Variants in SLC38A5 observed in about 807,000 individuals in gnomAD.
SLC38A5 encodes the protein solute carrier family 38 member 5, also known as sodium-coupled neutral amino acid transporter 5.
In SLC38A5, 9 loss-of-function variants were observed where a neutral mutation model predicts 34.6. The ratio of observed to expected loss-of-function variants is 0.26; its 90% CI spans 0.16 to 0.45. The LOEUF (loss-of-function observed/expected upper bound fraction) is 0.45. Ranked by LOEUF, SLC38A5 falls within the 20% of genes least tolerant of loss-of-function variation. SLC38A5 has a pLI of 1.00. For missense variants in SLC38A5, 253 were observed against 394.7 expected (o/e 0.64, Z 3.04); for synonymous variants, 157 against 155.6 (o/e 1.01, Z -0.07).
At chrX:48,469,785 A>G in intron 1 of SLC38A5, 1 of 114,409 alleles carries the variant, frequency 8.7e-6, no homozygotes, top group Non-Finnish European at 1.9e-5. Context: ...GAAGGGACAG[A>G]AAGACAGATG....
chrX:48,467,109 T>G (rs782740423), intron 4 of SLC38A5, 32 bp from the exon 5 acceptor site: 1 of 1,134,370 alleles, frequency 8.8e-7, no homozygotes, highest in Non-Finnish European at 1.2e-6. Context: ...CGGGCACACA[T>G]TGGGACAGGG....
intron 9 of SLC38A5, among the ~76,000 whole-genome samples, chrX:48,462,656 T>C (rs1320009280): frequency 1.8e-5 from 2 of 110,004 alleles, no homozygotes; most frequent in African/African-American, 6.6e-5. Context: ...CCCGGAACAG[T>C]GAACTCCAAA....
intron 8 of SLC38A5, 51 bp from the exon 9 acceptor site, chrX:48,463,031 C>A: frequency 1.0e-6 from 1 of 983,842 alleles, no homozygotes; most frequent in Non-Finnish European, 1.4e-6. Flanking sequence ...AGGAAACTGT[C>A]AGGCAGACAC....
intron 3 of SLC38A5, 21 bp downstream of exon 3, chrX:48,467,851 C>A: frequency 8.3e-7 from 1 of 1,207,061 alleles, no homozygotes. Context: ...CTGAGCCCAC[C>A]TCCTTGGACC....
intron 3 of SLC38A5, 22 bp from the exon 4 acceptor site, chrX:48,467,807 G>A: frequency 8.3e-7 from 1 of 1,204,074 alleles, no homozygotes; most frequent in African/African-American, 1.7e-5. Context: ...AGGGAAATAG[G>A]GGCCGATAAG....
intron 2 of SLC38A5, chrX:48,468,294 C>T (rs1022450798): frequency 2.4e-6 from 2 of 850,017 alleles, no homozygotes; most frequent in African/African-American, 2.1e-5. Flanking sequence ...CCTCCCAGAC[C>T]CCAGACTCAC....
chrX:48,468,305 G>A, intron 2 of SLC38A5: 3 of 834,713 alleles, frequency 3.6e-6, no homozygotes, highest in South Asian at 5.0e-5. Flanking sequence ...CCAGACTCAC[G>A]CTGTCTCTCT....
Position 48,460,672 on chromosome X carries a change from T to C in SLC38A5, c.1045A>G (p.Thr349Ala). ...RLAVLLAVTL[T>A]VPVVLFPIRR... Reference sequence around the variant, plus strand: ...ACAGGGAACAGCACGACTGGCACAGTGAGGGTCACCGCGAGCAGCACGGCC... The same window carrying C: ...ACAGGGAACAGCACGACTGGCACAGCGAGGGTCACCGCGAGCAGCACGGCC... The change falls in exon 14 of 17, where the codon ACT becomes GCT. Residue 349 changes from threonine to alanine, a missense_variant. Coordinates refer to ENST00000620913, the MANE Select transcript of SLC38A5 (RefSeq NM_033518.4). 8.3e-7 allele frequency: 1 copy of C among 1,211,390 alleles called. No individual in the cohort carries two copies. Among genetic ancestry groups the C allele is most frequent in the Non-Finnish European group, 1.1e-6 (1 of 895,461 alleles).
chrX:48,458,999 C>T lies in SLC38A5; in HGVS notation c.1353G>A (p.Met451Ile). ...CAAACATAAAGCCTAGACTGACGGC[C>T]ATGAAGAGGACTCCCAGGACTCCAA... Reference protein sequence around the residue: ...LCFGVLGVLFMAVSLGFMFAN... With the variant: ...LCFGVLGVLFIAVSLGFMFAN... Residue 451 changes from methionine to isoleucine, a missense_variant, in exon 17 of 17, where the codon ATG becomes ATA. This residue lies in a region of SLC38A5 where 176 missense variants were observed against 273.0 expected (regional missense o/e 0.64). Transcript: ENST00000620913. 2 of 1,195,926 alleles carry T rather than the reference C, an allele frequency of 1.7e-6. No homozygotes were observed. Among genetic ancestry groups the T allele is most frequent in the Non-Finnish European group, 2.3e-6 (2 of 886,826 alleles).
At chrX:48,466,642 G>A (rs2061479076) in intron 6 of SLC38A5, among the ~76,000 whole-genome samples, 157 bp downstream of exon 6, 1 of 109,147 alleles carries the variant, frequency 9.2e-6, no homozygotes, top group Admixed American at 9.8e-5. Context: ...GTCTGGGGGT[G>A]GGTTCTGGGG....
chrX:48,463,733 C>T (rs1307294133), intron 8 of SLC38A5, among the ~76,000 whole-genome samples: 4 of 94,264 alleles, frequency 4.2e-5, no homozygotes, highest in South Asian at 5.3e-4. Flanking sequence ...GCCAAGATCG[C>T]GCCATTGCAC....
At chrX:48,469,248 A>T (rs1231981763) in intron 2 of SLC38A5, 87 bp downstream of exon 2, 1 of 113,562 alleles carries the variant, frequency 8.8e-6, no homozygotes, top group East Asian at 3.0e-4. Flanking sequence ...GTCTCCAAGG[A>T]ACCCCGAGCC....
intron 1 of SLC38A5, chrX:48,469,841 C>G (rs1348712932): frequency 8.9e-6 from 1 of 111,941 alleles, no homozygotes; most frequent in Non-Finnish European, 1.9e-5. Flanking sequence ...CAGGCAGAGA[C>G]AGGGAGAAAG....
chrX:48,463,911 G>A (rs782675779), intron 8 of SLC38A5, among the ~76,000 whole-genome samples: 11 of 97,509 alleles, frequency 1.1e-4, no homozygotes, highest in African/African-American at 4.3e-4. Context: ...AAGAAAGAAA[G>A]AGAAAGAAAG....
intron 2 of SLC38A5, chrX:48,468,488 AC>A: frequency 1.6e-6 from 1 of 642,590 alleles, no homozygotes; most frequent in Non-Finnish European, 1.9e-6. Context: ...CAAGCCCGAG[AC>A]CAGAGCTAAT....
chrX:48,468,233 A>C, intron 2 of SLC38A5: 1 of 970,002 alleles, frequency 1.0e-6, no homozygotes, highest in Non-Finnish European at 1.3e-6. Flanking sequence ...CTACAGAGAG[A>C]GCCGGACCCC....
chrX:48,459,781 A>G lies in SLC38A5; in HGVS notation c.1164T>C (p.Asn388=), dbSNP rs2061422235. Residue 388 remains asparagine, a synonymous_variant, in exon 15 of 17, where the codon AAT becomes AAC. Coordinates refer to ENST00000620913, the MANE Select transcript of SLC38A5 (RefSeq NM_033518.4). Reference sequence around the variant, plus strand: ...TGGTTGGCACACAGATGACAAGGACATTGACCAAAACAAGCAGGATCAGAG... The same window carrying G: ...TGGTTGGCACACAGATGACAAGGACGTTGACCAAAACAAGCAGGATCAGAG... ...AIALILLVLV[N]VLVICVPTIR... 3 of 1,209,833 alleles carry G rather than the reference A, an allele frequency of 2.5e-6. No homozygotes were observed. The highest frequency in any genetic ancestry group is 2.3e-4 in the Middle Eastern group (1 of 4,372).
chrX:48,468,768 G>C, intron 2 of SLC38A5: 1 of 626,975 alleles, frequency 1.6e-6, no homozygotes, highest in Non-Finnish European at 1.9e-6. Flanking sequence ...CCAGACTTGA[G>C]AAACTTCCTA....
In SLC38A5 at chrX:48,469,433, T is replaced by C. The variant is rs1556964480; in HGVS notation, c.-100A>G. ...TGCTCTGGAGCGGTACTTTTTTTTT[T>C]TTCCTGAGAAGAAATGTTAATTTTA... On this transcript the variant is annotated 5_prime_UTR_variant, in exon 2 of 17. Coordinates refer to ENST00000620913, the MANE Select transcript of SLC38A5 (RefSeq NM_033518.4). 9.0e-6 allele frequency: 1 copy of C among 111,159 alleles called. No homozygotes were observed. The highest frequency in any genetic ancestry group is 1.9e-5 in the Non-Finnish European group (1 of 52,982). 9.2% of individuals were successfully genotyped at this position (111,159 alleles called of 1,213,427 possible).
Sources: allele counts gnomAD v4.1 joint callset (sites outside exome capture counted in the v4.1 genomes callset), GRCh38; gene constraint gnomAD v4.1.1; regional missense constraint gnomAD v4.1.1; transcripts MANE v1.5; gene names NCBI Gene and HGNC (gene_info 2026-07-23, HGNC 2026-07-21).